TMED10: variants seen among roughly 807,000 people sequenced by gnomAD.
The protein encoded by TMED10 is transmembrane emp24 domain-containing protein 10.
TMED10 carries 7 observed loss-of-function variants against 23.1 expected under a neutral mutation model. The ratio of observed to expected loss-of-function variants is 0.30; its 90% CI spans 0.17 to 0.57. TMED10 has a LOEUF of 0.57. Among genes scored for constraint, TMED10 ranks in the 20% least tolerant of loss-of-function variants. The pLI, the probability that TMED10 is intolerant of heterozygous loss-of-function variation, is 0.91. For synonymous variants in TMED10, 113 were observed against 106.9 expected (o/e 1.06, Z -0.35); for missense variants, 162 against 274.8 (o/e 0.59, Z 2.90).
intron 1 of TMED10, among the ~76,000 whole-genome samples, chr14:75,155,709 C>T (rs1896012872): frequency 6.6e-6 from 1 of 151,874 alleles, no homozygotes; most frequent in South Asian, 2.1e-4. Context: ...GGGGGTAGCA[C>T]ATGAGCTGAG....
At chr14:75,147,474 G>A (rs561331882) in intron 3 of TMED10, 190 bp downstream of exon 3, 2 of 662,856 alleles carry the variant, frequency 3.0e-6, no homozygotes, top group South Asian at 1.7e-5. Context: ...GATTACAGGA[G>A]TGAGCCACCG....
chr14:75,152,980 G>A (rs1240755926), intron 1 of TMED10, among the ~76,000 whole-genome samples: 1 of 152,164 alleles, frequency 6.6e-6, no homozygotes, highest in East Asian at 1.9e-4. Context: ...AAATCAGCTG[G>A]GCGCAGTGGC....
chr14:75,165,493 T>C (rs756637227), intron 1 of TMED10, among the ~76,000 whole-genome samples: 74 of 152,280 alleles, frequency 4.9e-4, no homozygotes, highest in Middle Eastern at 6.8e-3. Context: ...CCCAAAGTGT[T>C]GGGATTACAG....
At position 75,138,825 on chromosome 14, in the gene TMED10, T is replaced by A. The variant is rs202136505; in HGVS notation, c.412-2939A>T. Among the ~76,000 whole-genome samples the A allele has an allele frequency of 1.8e-3, 248 of 141,616 alleles. 1 individual carries two copies. Among genetic ancestry groups the A allele is most frequent in the East Asian group, 5.2e-3 (26 of 4,982 alleles). 92.9% of individuals were successfully genotyped at this position (141,616 alleles called of 152,430 possible). On this transcript the variant is annotated intron_variant, in intron 3 of 4. Transcript: ENST00000303575. ...CAGCCTTTGCTTCTTTTTTTTTTTT[T>A]TTTTTTTATTTTTGTTGTTGTTGTT...
At chr14:75,144,273 TG>T (rs1895856681) in intron 3 of TMED10, among the ~76,000 whole-genome samples, 1 of 152,136 alleles carries the variant, frequency 6.6e-6, no homozygotes, top group Non-Finnish European at 1.5e-5. Flanking sequence ...TAAAAAGAAG[TG>T]GCTCGGTTCA....
intron 4 of TMED10, among the ~76,000 whole-genome samples, chr14:75,135,284 C>T (rs940675823): frequency 3.3e-5 from 5 of 151,850 alleles, no homozygotes; most frequent in Non-Finnish European, 5.9e-5. Context: ...ATTAAAAATA[C>T]GAAAAATTAG....
At chr14:75,148,936 G>A (rs1895921652) in intron 2 of TMED10, among the ~76,000 whole-genome samples, 2 of 152,160 alleles carry the variant, frequency 1.3e-5, no homozygotes, top group African/African-American at 4.8e-5. Context: ...TTTTGAGACA[G>A]GTTCTTACTC....
chr14:75,164,556 TATATATATATATATA>T (rs1566675169), intron 1 of TMED10, among the ~76,000 whole-genome samples: 1 of 3,318 alleles, frequency 3.0e-4, no homozygotes, highest in African/African-American at 5.6e-4. Context: ...TATATATATA[TATATATATATATATA>T]TATATATTTT....
At chr14:75,148,921 A>C (rs1895921368) in intron 2 of TMED10, among the ~76,000 whole-genome samples, 1 of 152,178 alleles carries the variant, frequency 6.6e-6, no homozygotes, top group South Asian at 2.1e-4. Flanking sequence ...TAATTAAAAA[A>C]AATTTTTTGA....
chr14:75,145,575 C>T (rs549930894), intron 3 of TMED10, among the ~76,000 whole-genome samples: 19 of 152,298 alleles, frequency 1.2e-4, no homozygotes, highest in Middle Eastern at 6.8e-3. Flanking sequence ...ATCACGAGGT[C>T]AGGAGATCGA....
intron 1 of TMED10, among the ~76,000 whole-genome samples, chr14:75,158,301 T>C (rs1453109090): frequency 1.3e-5 from 2 of 152,180 alleles, no homozygotes; most frequent in African/African-American, 4.8e-5. Flanking sequence ...AATCATAAAC[T>C]GAAAGAAGCA....
intron 2 of TMED10, among the ~76,000 whole-genome samples, chr14:75,149,739 A>C (rs1483897691): frequency 6.6e-6 from 1 of 152,252 alleles, no homozygotes; most frequent in Non-Finnish European, 1.5e-5. Flanking sequence ...AAAGTACTCT[A>C]GGCAGACGGC....
chr14:75,173,750 A>C (rs1335935179), intron 1 of TMED10, among the ~76,000 whole-genome samples: 1 of 152,114 alleles, frequency 6.6e-6, no homozygotes, highest in Non-Finnish European at 1.5e-5. Flanking sequence ...TTTTGTTTTG[A>C]GACCGAGTCT....
chr14:75,165,978 G>A (rs972568163), intron 1 of TMED10, among the ~76,000 whole-genome samples: 2 of 151,672 alleles, frequency 1.3e-5, no homozygotes, highest in Non-Finnish European at 2.9e-5. Context: ...GCTTGACTTG[G>A]GGGAGGAGTG....
intron 3 of TMED10, among the ~76,000 whole-genome samples, chr14:75,136,408 CTTGGCCTCCCAAAGTG>C (rs1895750305): frequency 6.6e-6 from 1 of 152,212 alleles, no homozygotes. Context: ...ATCTGTCCGC[CTTGGCCTCCCAAAGTG>C]TTGGGACTAC....
chr14:75,173,815 C>T (rs1437756070), intron 1 of TMED10, among the ~76,000 whole-genome samples: 1 of 152,216 alleles, frequency 6.6e-6, no homozygotes. Context: ...ACTGCAGCCA[C>T]TGCCTCCCAG....
At chr14:75,169,251 C>T (rs1357288990) in intron 1 of TMED10, among the ~76,000 whole-genome samples, 3 of 152,206 alleles carry the variant, frequency 2.0e-5, no homozygotes, top group African/African-American at 7.2e-5. Flanking sequence ...ACAACTGCAA[C>T]ACAGAGTGGT....
chr14:75,135,095 A>G (rs1895732386), intron 4 of TMED10, 89 bp from the exon 5 acceptor site: 3 of 1,505,576 alleles, frequency 2.0e-6, no homozygotes, highest in Admixed American at 3.7e-5. Context: ...AAAGGCAATT[A>G]ATTAACTTCA....
chr14:75,159,327 A>G (rs1331840269), intron 1 of TMED10, among the ~76,000 whole-genome samples: 1 of 152,248 alleles, frequency 6.6e-6, no homozygotes, highest in Non-Finnish European at 1.5e-5. Context: ...TAATAATTAC[A>G]GGTTGCTGAA....
Sources: gnomAD v4.1 joint callset for allele counts (sites outside exome capture counted in the v4.1 genomes callset) on GRCh38, gnomAD v4.1.1 for gene constraint, MANE v1.5 for transcripts, NCBI Gene and HGNC (gene_info 2026-07-23, HGNC 2026-07-21) for gene names.